TMEM266: variants seen among roughly 807,000 people sequenced by gnomAD.
TMEM266 encodes the protein Hv1 related protein 1.
In TMEM266, 33 loss-of-function variants were observed where a neutral mutation model predicts 50.5. The observed-to-expected ratio is 0.65, with a 90% confidence interval of 0.50 to 0.87. The LOEUF (loss-of-function observed/expected upper bound fraction) is 0.87, where lower values mean the gene tolerates loss of function less well. Ranked by LOEUF, TMEM266 falls within the 40% of genes least tolerant of loss-of-function variation. The probability of loss-of-function intolerance (pLI) is 0.00; values close to 1 mark genes in which losing one functional copy is unlikely to be tolerated. For missense variants in TMEM266, 655 were observed against 695.1 expected (o/e 0.94, Z 0.65); for synonymous variants, 310 against 292.3 (o/e 1.06, Z -0.62).
At chr15:76,095,661 A>G (rs1002881114) in intron 1 of TMEM266, among the ~76,000 whole-genome samples, 28 of 151,848 alleles carry the variant, frequency 1.8e-4, no homozygotes, top group Admixed American at 3.3e-4. Context: ...CTCTTTTTCT[A>G]TTGATCGGAA....
chr15:76,096,030 GA>G (rs1567149039), intron 1 of TMEM266, among the ~76,000 whole-genome samples: 1 of 151,934 alleles, frequency 6.6e-6, no homozygotes, highest in Non-Finnish European at 1.5e-5. Context: ...CTGGCTAGCA[GA>G]CTATCTATTT....
At chr15:76,092,877 G>A (rs2036868696) in intron 1 of TMEM266, among the ~76,000 whole-genome samples, 1 of 133,430 alleles carries the variant, frequency 7.5e-6, no homozygotes. Context: ...GCACACTCTC[G>A]ACTCACTGCA....
chr15:76,202,350 T>C (rs776493934), intron 10 of TMEM266, 86 bp downstream of exon 10: 174 of 1,220,646 alleles, frequency 1.4e-4, no homozygotes, highest in Non-Finnish European at 1.7e-4. Flanking sequence ...CTTCAAAGCA[T>C]GCCCATCACC....
At chr15:76,152,114 C>G (rs558221613) in intron 3 of TMEM266, among the ~76,000 whole-genome samples, 2 of 152,262 alleles carry the variant, frequency 1.3e-5, no homozygotes, top group South Asian at 4.2e-4. Context: ...GCAGCCAGGC[C>G]TCACCAGCCA....
At chr15:76,152,949 C>T (rs2037867259) in intron 3 of TMEM266, among the ~76,000 whole-genome samples, 1 of 152,134 alleles carries the variant, frequency 6.6e-6, no homozygotes, top group African/African-American at 2.4e-5. Context: ...AGGCCGTCAT[C>T]CCCTGCCTGG....
intron 1 of TMEM266, among the ~76,000 whole-genome samples, chr15:76,119,261 A>G (rs541336317): frequency 2.7e-4 from 41 of 152,216 alleles, no homozygotes; most frequent in African/African-American, 9.4e-4. Context: ...TAAGCCTGCC[A>G]TATTTGTACC....
In TMEM266 at chr15:76,160,109, C is replaced by T; in HGVS notation, c.397C>T (p.Gln133Ter). 6.2e-7 allele frequency: 1 copy of T among 1,614,216 alleles called. No homozygotes were observed. The highest frequency in any genetic ancestry group is 8.5e-7 in the Non-Finnish European group (1 of 1,180,034). Reference sequence around the variant, plus strand: ...GTCCATTGCAGTTTCCAGCGCATTCCAGTTTGCTGGCGTGATTCACTGGAT... The same window carrying T: ...GTCCATTGCAGTTTCCAGCGCATTCTAGTTTGCTGGCGTGATTCACTGGAT... The change falls in exon 5 of 11, where the codon CAG (glutamine) becomes TAG (stop). Residue 133 changes from glutamine to a stop codon, truncating the protein, a stop_gained. Transcript: ENST00000388942. LOFTEE classifies it high-confidence loss of function. This position sits in a 1 kb window ranked among gnomAD's most constrained non-coding sequence, Gnocchi z 5.7.
intron 8 of TMEM266, among the ~76,000 whole-genome samples, chr15:76,185,782 A>G (rs2038483302): frequency 6.6e-6 from 1 of 152,224 alleles, no homozygotes; most frequent in Non-Finnish European, 1.5e-5. Context: ...GGCAGGGAGT[A>G]GAGGATGGCC....
In TMEM266 at chr15:76,201,058, G is replaced by A. The variant is rs557827115; in HGVS notation, c.959-1144G>A. Among the ~76,000 whole-genome samples, 17 of 152,134 alleles carry A rather than the reference G, an allele frequency of 1.1e-4. No individual in the cohort carries two copies. The East Asian group carries it at 2.5e-3, about 23-fold the overall frequency. On this transcript the variant is annotated intron_variant, in intron 9 of 10. Coordinates refer to ENST00000388942, the MANE Select transcript of TMEM266 (RefSeq NM_152335.3). The stretch of plus-strand genomic sequence containing the variant: ...GAGAAGCTCCTGGGGGTGCAGACTC[G>A]GACTCTAGGGGCAGCCCTGGAGCAC...
chr15:76,161,698 A>C lies in TMEM266; in HGVS notation c.456+1530A>C, dbSNP rs561799504. 2.0e-5 allele frequency among the ~76,000 whole-genome samples: 3 copies of C among 152,080 alleles called. No individual in the cohort carries two copies. The highest frequency in any genetic ancestry group is 4.8e-5 in the African/African-American group (2 of 41,406). Reference sequence around the variant, plus strand: ...GCACTGCCCTCCCAGAAGGGGTCCTAACCACCTCCCTGAGACCATTGCCCT... The same window carrying C: ...GCACTGCCCTCCCAGAAGGGGTCCTCACCACCTCCCTGAGACCATTGCCCT... On this transcript the variant is annotated intron_variant, in intron 5 of 10. Coordinates refer to ENST00000388942, the MANE Select transcript of TMEM266 (RefSeq NM_152335.3). This position sits in a 1 kb window ranked among gnomAD's most constrained non-coding sequence, Gnocchi z 4.1.
At chr15:76,096,568 A>G (rs1275072485) in intron 1 of TMEM266, among the ~76,000 whole-genome samples, 2 of 152,064 alleles carry the variant, frequency 1.3e-5, no homozygotes, top group Non-Finnish European at 2.9e-5. Flanking sequence ...GGTGCTGAGA[A>G]GAATGTATAT....
At position 76,192,084 on chromosome 15, in the gene TMEM266, A is replaced by G. The variant is rs761801684; in HGVS notation, c.885A>G (p.Lys295=). ...TCAGCCAGCCGCGCAGCCGCTTCAA[A>G]GTGTTGGAGGCCGGCACGTGGGACG... Residue 295 remains lysine (K), a synonymous_variant, in exon 9 of 11, where the codon AAA becomes AAG. Transcript: ENST00000388942. 45 of 1,466,730 alleles carry G rather than the reference A, an allele frequency of 3.1e-5. No individual in the cohort carries two copies. The highest frequency in any genetic ancestry group is 4.0e-5 in the Non-Finnish European group (44 of 1,113,356). The allele number at this position is 1,466,730 out of a possible 1,614,324, so 90.9% of individuals were successfully genotyped here. A position where few individuals can be genotyped will look rare whatever the true frequency, so the allele number is the denominator to read the frequency against.
At chr15:76,158,898 C>T (rs1283373754) in intron 4 of TMEM266, among the ~76,000 whole-genome samples, 1 of 152,214 alleles carries the variant, frequency 6.6e-6, no homozygotes, top group Non-Finnish European at 1.5e-5. Flanking sequence ...TGGCTACGCT[C>T]TGTGACTTGA....
chr15:76,161,347 A>T lies in TMEM266; in HGVS notation c.456+1179A>T, dbSNP rs2038016037. Among the ~76,000 whole-genome samples, 1 of 151,118 alleles carries T rather than the reference A, an allele frequency of 6.6e-6. No individual in the cohort carries two copies. The highest frequency in any genetic ancestry group is 1.5e-5 in the Non-Finnish European group (1 of 67,688). On this transcript the variant is annotated intron_variant, in intron 5 of 10. Coordinates refer to ENST00000388942, the MANE Select transcript of TMEM266 (RefSeq NM_152335.3). The surrounding 1 kb of genome is among the most constrained non-coding windows in gnomAD (Gnocchi z 4.1). The stretch of plus-strand genomic sequence containing the variant: ...CCCCGAGACGGGGGGCCTTGAAGGG[A>T]GGAAGGATGCTATGGGAGAGGGTGG...
At chr15:76,103,681 G>T (rs1191204210) in intron 1 of TMEM266, among the ~76,000 whole-genome samples, 1 of 152,172 alleles carries the variant, frequency 6.6e-6, no homozygotes, top group Non-Finnish European at 1.5e-5. Context: ...GGAGGCCGAG[G>T]TGGGTGGATC....
At chr15:76,196,955 C>T (rs778793256) in intron 9 of TMEM266, among the ~76,000 whole-genome samples, 11 of 152,238 alleles carry the variant, frequency 7.2e-5, no homozygotes, top group Non-Finnish European at 1.5e-4. Context: ...TCTTGAAGCT[C>T]GCCCATAACT....
At chr15:76,129,906 CAATGCCTGGATATTT>C (rs2037480262) in intron 1 of TMEM266, among the ~76,000 whole-genome samples, 1 of 151,910 alleles carries the variant, frequency 6.6e-6, no homozygotes, top group Non-Finnish European at 1.5e-5. Context: ...GAAATGTAAA[CAATGCCTGGATATTT>C]AATGATATAA....
chr15:76,147,457 A>G (rs2037772506), intron 3 of TMEM266, among the ~76,000 whole-genome samples: 1 of 152,148 alleles, frequency 6.6e-6, no homozygotes. Flanking sequence ...AGGAAAAGAA[A>G]GGAGCTTCGA....
chr15:76,118,727 C>G (rs1355976255), intron 1 of TMEM266, among the ~76,000 whole-genome samples: 1 of 152,198 alleles, frequency 6.6e-6, no homozygotes. Flanking sequence ...GGTTTGCTTT[C>G]CCTCCAGTTT....
Sources: gnomAD v4.1 joint callset for allele counts (sites outside exome capture counted in the v4.1 genomes callset) on GRCh38, gnomAD v4.1.1 for gene constraint, Gnocchi (gnomAD v3.1) non-coding constraint, MANE v1.5 for transcripts, NCBI Gene and HGNC (gene_info 2026-07-23, HGNC 2026-07-21) for gene names.